The following GUCY2D variants were observed in gnomAD, a reference collection of about 807,000 sequenced individuals.
GUCY2D encodes the protein retinal guanylyl cyclase 1.
GUCY2D carries 70 observed loss-of-function variants against 101.3 expected under a neutral mutation model. The observed-to-expected ratio is 0.69, with a 90% confidence interval of 0.57 to 0.84. The LOEUF is 0.84. GUCY2D is among the 40% of genes least tolerant of loss of function. The pLI is 0.00. For missense variants in GUCY2D, 1,460 were observed against 1,542.5 expected (o/e 0.95, Z 0.90); for synonymous variants, 688 against 670.7 (o/e 1.03, Z -0.40).
chr17:8,003,495 T>A lies in GUCY2D; in HGVS notation c.448T>A (p.Trp150Arg). ...AGAAGCCGGGATCGCGCTGGTGCCC[T>A]GGGGCTGCCCCTGGACGCAGGCGGA... The part of the protein sequence containing the change: ...AEEAGIALVP[W>R]GCPWTQAEGT... The change falls in exon 2 of 20, where the codon TGG (tryptophan) becomes AGG (arginine). Residue 150 changes from tryptophan (W) to arginine (R), a missense_variant. Transcript: ENST00000254854. The A allele has an allele frequency of 6.5e-7, 1 of 1,529,478 alleles. No homozygotes were observed. The highest frequency in any genetic ancestry group is 8.7e-7 in the Non-Finnish European group (1 of 1,144,498). 94.7% of individuals were successfully genotyped at this position (1,529,478 alleles called of 1,614,324 possible). A position where few individuals can be genotyped will look rare whatever the true frequency, so the allele number is the denominator to read the frequency against.
intron 4 of GUCY2D, 117 bp downstream of exon 4, chr17:8,006,831 C>G (rs1242051288): frequency 1.0e-6 from 1 of 1,004,530 alleles, no homozygotes; most frequent in African/African-American, 1.6e-5. Flanking sequence ...TAGGCCCTCT[C>G]CCAGCCTCTG....
In GUCY2D at chr17:8,013,486, C is replaced by T; in HGVS notation, c.2263+234C>T. ...AGCTTCCTCTTTCTTGATGCTGGAA[C>T]CAAACTGTTTCCACAACTGACAGAA... On this transcript the variant is annotated intron_variant, in intron 11 of 19. Transcript: ENST00000254854. The surrounding 1 kb of genome is among the most constrained non-coding windows in gnomAD (Gnocchi z 5.0). 3 of 597,486 alleles carry T rather than the reference C, an allele frequency of 5.0e-6. No individual in the cohort carries two copies. The highest frequency in any genetic ancestry group is 2.9e-5 in the East Asian group (1 of 35,044). 37.0% of individuals were successfully genotyped at this position (597,486 alleles called of 1,614,324 possible).
chr17:8,009,775 A>G (rs1975814777), intron 8 of GUCY2D, among the ~76,000 whole-genome samples, 189 bp downstream of exon 8: 1 of 152,110 alleles, frequency 6.6e-6, no homozygotes, highest in Non-Finnish European at 1.5e-5. Flanking sequence ...CCAGGAGTTC[A>G]AGACCAGCCT....
intron 19 of GUCY2D, among the ~76,000 whole-genome samples, chr17:8,018,009 A>T (rs1220934202): frequency 6.6e-6 from 1 of 152,112 alleles, no homozygotes; most frequent in East Asian, 1.9e-4. Flanking sequence ...AGCAATTATC[A>T]ATGCCCTGTC....
chr17:8,002,968 C>A lies in GUCY2D; in HGVS notation c.-9-71C>A. ...TGGGTTACTCGGGCTTGGAGAAACT[C>A]GGGGTTACGGGGAGAACCCTAGGGG... On this transcript the variant is annotated intron_variant, in intron 1 of 19. Transcript: ENST00000254854. The surrounding 1 kb of genome is among the most constrained non-coding windows in gnomAD (Gnocchi z 4.9). 1 of 1,202,708 alleles carries A rather than the reference C, an allele frequency of 8.3e-7. No homozygotes were observed. Among genetic ancestry groups the A allele is most frequent in the Non-Finnish European group, 1.2e-6 (1 of 866,426 alleles). 74.5% of individuals were successfully genotyped at this position (1,202,708 alleles called of 1,614,324 possible). A position where few individuals can be genotyped will look rare whatever the true frequency, so the allele number is the denominator to read the frequency against.
intron 8 of GUCY2D, among the ~76,000 whole-genome samples, chr17:8,010,482 G>A (rs1167684089): frequency 6.6e-6 from 1 of 152,090 alleles, no homozygotes; most frequent in African/African-American, 2.4e-5. Context: ...GGGGATTAAT[G>A]AACTCGATCA....
chr17:8,018,256 G>A (rs377103968), intron 19 of GUCY2D, among the ~76,000 whole-genome samples: 1 of 152,144 alleles, frequency 6.6e-6, no homozygotes, highest in Non-Finnish European at 1.5e-5. Context: ...AGGGAATTCC[G>A]GAACTGAACC....
chr17:8,013,078 G>T lies in GUCY2D; in HGVS notation c.2114-25G>T. ...AGGGTGGGAGTCTTTCCCCAGCGGCGCCTCAGCCCCTTCCCCATCCCCAGA... is the reference window on the plus strand; with the variant it reads ...AGGGTGGGAGTCTTTCCCCAGCGGCTCCTCAGCCCCTTCCCCATCCCCAGA... On this transcript the variant is annotated intron_variant, in intron 10 of 19. Coordinates refer to ENST00000254854, the MANE Select transcript of GUCY2D (RefSeq NM_000180.4). The surrounding 1 kb of genome is among the most constrained non-coding windows in gnomAD (Gnocchi z 5.0). 6.2e-7 allele frequency: 1 copy of T among 1,604,796 alleles called. No homozygotes were observed.
At position 8,016,572 on chromosome 17, in the gene GUCY2D, C is replaced by T. The variant is rs1437448636; in HGVS notation, c.*24+18C>T. 3 of 1,256,402 alleles carry T rather than the reference C, an allele frequency of 2.4e-6. No individual in the cohort carries two copies. Among genetic ancestry groups the T allele is most frequent in the African/African-American group, 1.5e-5 (1 of 67,594 alleles). 77.8% of individuals were successfully genotyped at this position (1,256,402 alleles called of 1,614,324 possible). On this transcript the variant is annotated intron_variant, in intron 19 of 19. Transcript: ENST00000254854. Reference sequence around the variant, plus strand: ...CCGGACAGGTACTGCCCCCTCAGCCCCAACCCCAGCTGCCGCGTCCCCTCT... The same window carrying T: ...CCGGACAGGTACTGCCCCCTCAGCCTCAACCCCAGCTGCCGCGTCCCCTCT...
chr17:8,016,547 C>A lies in GUCY2D; in HGVS notation c.*17C>A, dbSNP rs1219927518. The A allele has an allele frequency of 3.3e-6, 5 of 1,511,280 alleles. No individual in the cohort carries two copies. In the South Asian group the frequency reaches 4.8e-5, roughly 14 times the overall value. 93.6% of individuals were successfully genotyped at this position (1,511,280 alleles called of 1,614,324 possible). On this transcript the variant is annotated 3_prime_UTR_variant, in exon 19 of 20. Coordinates refer to ENST00000254854, the MANE Select transcript of GUCY2D (RefSeq NM_000180.4). ...TTCTCTTGAGAAGTGAGGCCCGGCC[C>A]CGGACAGGTACTGCCCCCTCAGCCC...
chr17:8,016,611 C>A (rs1330813576), intron 19 of GUCY2D, 57 bp downstream of exon 19: 22 of 884,524 alleles, frequency 2.5e-5, no homozygotes, highest in South Asian at 2.4e-4. Context: ...GCCTGCAGAA[C>A]GTCCCACCCA....
In GUCY2D at chr17:8,007,534, G is replaced by A; in HGVS notation, c.1566+6G>A. Reference sequence around the variant, plus strand: ...ATGGGGGCACCTCTCGAAAGGTGGGGGAGGCAGAGAGGCAGGAGCCAGTTG... The same window carrying A: ...ATGGGGGCACCTCTCGAAAGGTGGGAGAGGCAGAGAGGCAGGAGCCAGTTG... On this transcript the variant is annotated splice_donor_region_variant and intron_variant, in intron 6 of 19. Transcript: ENST00000254854. 1 of 1,555,328 alleles carries A rather than the reference G, an allele frequency of 6.4e-7. No individual in the cohort carries two copies. Among genetic ancestry groups the A allele is most frequent in the Non-Finnish European group, 8.9e-7 (1 of 1,126,598 alleles).
At chr17:8,016,821 T>G in intron 19 of GUCY2D, 1 of 453,730 alleles carries the variant, frequency 2.2e-6, no homozygotes, top group Non-Finnish European at 4.0e-6. Context: ...CCCCAGTGCA[T>G]AAACCTGGCT....
rs376439753 is a variant in GUCY2D at position 8,015,723 on chromosome 17, G to A, written c.2945-20G>A. 120 of 1,576,672 alleles carry A rather than the reference G, an allele frequency of 7.6e-5. No homozygotes were observed. The highest frequency in any genetic ancestry group is 9.9e-5 in the Non-Finnish European group (115 of 1,156,632). ...CAGGGCCGGCCCTGCTAGCCCCGCC[G>A]ACCCCCAGCATCTCCACAGGTCCAT... On this transcript the variant is annotated intron_variant, in intron 15 of 19. Coordinates refer to ENST00000254854, the MANE Select transcript of GUCY2D (RefSeq NM_000180.4).
chr17:8,009,424 A>T, intron 7 of GUCY2D, 82 bp from the exon 8 acceptor site: 1 of 881,716 alleles, frequency 1.1e-6, no homozygotes, highest in Admixed American at 1.7e-5. Context: ...GAGCCAATGG[A>T]AATGAGGGGG....
chr17:8,005,135 C>A (rs1346578600), intron 3 of GUCY2D, among the ~76,000 whole-genome samples: 1 of 152,136 alleles, frequency 6.6e-6, no homozygotes, highest in Non-Finnish European at 1.5e-5. Flanking sequence ...GAATTCTTCG[C>A]CCCCACTTCC....
At position 8,015,523 on chromosome 17, in the gene GUCY2D, G is replaced by T. The variant is rs754978631; in HGVS notation, c.2944+21G>T. ...CTCGGGTAACTCCCGGGTCTTCCCA[G>T]GCTCCAGCCCATCTCCCTCTTTAGG... On this transcript the variant is annotated intron_variant, in intron 15 of 19. Transcript: ENST00000254854. 10 of 1,603,800 alleles carry T rather than the reference G, an allele frequency of 6.2e-6. No individual in the cohort carries two copies. In the East Asian group the frequency reaches 1.8e-4, roughly 29 times the overall value.
At position 8,014,834 on chromosome 17, in the gene GUCY2D, T is replaced by C. The variant is rs1167980510; in HGVS notation, c.2577-25T>C. 1.9e-6 allele frequency: 3 copies of C among 1,613,658 alleles called. No homozygotes were observed. Among genetic ancestry groups the C allele is most frequent in the Non-Finnish European group, 2.5e-6 (3 of 1,179,686 alleles). On this transcript the variant is annotated intron_variant, in intron 13 of 19. Transcript: ENST00000254854. The surrounding 1 kb of genome is among the most constrained non-coding windows in gnomAD (Gnocchi z 4.0). ...CCAGCCAGGTAGAGTGGCCCCCAGGTGACCTCACTGCCTGCCATCCCTAGG... is the reference window on the plus strand; with the variant it reads ...CCAGCCAGGTAGAGTGGCCCCCAGGCGACCTCACTGCCTGCCATCCCTAGG...
chr17:8,015,421 G>T lies in GUCY2D; in HGVS notation c.2863G>T (p.Asp955Tyr). The T allele has an allele frequency of 1.2e-6, 2 of 1,613,784 alleles. No homozygotes were observed. The highest frequency in any genetic ancestry group is 1.7e-6 in the Non-Finnish European group (2 of 1,179,886). The change falls in exon 15 of 20, where the codon GAC becomes TAC. Residue 955 changes from aspartate (D) to tyrosine (Y), a missense_variant. By Grantham distance (160) the Asp-to-Tyr change is radical. This residue lies in a region of GUCY2D where 215 missense variants were observed against 227.9 expected (regional missense o/e 0.94). Transcript: ENST00000254854. Reference protein sequence around the residue: ...HAAEIANMSLDILSAVGTFRM... With the variant: ...HAAEIANMSLYILSAVGTFRM... ...GGCAGAGATCGCCAACATGTCACTGGACATCCTCAGTGCCGTGGGCACTTT... is the reference window on the plus strand; with the variant it reads ...GGCAGAGATCGCCAACATGTCACTGTACATCCTCAGTGCCGTGGGCACTTT...
Sources: allele counts gnomAD v4.1 joint callset (sites outside exome capture counted in the v4.1 genomes callset), GRCh38; gene constraint gnomAD v4.1.1; regional missense constraint gnomAD v4.1.1; non-coding constraint Gnocchi (gnomAD v3.1); transcripts MANE v1.5; gene names NCBI Gene and HGNC (gene_info 2026-07-23, HGNC 2026-07-21).